ARHGAP42: variants seen among roughly 807,000 people sequenced by gnomAD.
The protein encoded by ARHGAP42 is rho GTPase-activating protein 42.
In ARHGAP42, 63 loss-of-function variants were observed where a neutral mutation model predicts 125.0. The observed-to-expected ratio is 0.50, with a 90% CI of 0.41 to 0.62. The LOEUF (loss-of-function observed/expected upper bound fraction) is 0.62, where lower values mean the gene tolerates loss of function less well. Ranked by LOEUF, ARHGAP42 falls within the 20% of genes least tolerant of loss-of-function variation. ARHGAP42 has a pLI of 0.00. For synonymous variants in ARHGAP42, 339 were observed against 351.0 expected (o/e 0.97, Z 0.38); for missense variants, 766 against 1,024.2 (o/e 0.75, Z 3.44).
intron 17 of ARHGAP42, among the ~76,000 whole-genome samples, chr11:100,970,759 G>A (rs969298344): frequency 6.6e-6 from 1 of 152,138 alleles, no homozygotes; most frequent in Non-Finnish European, 1.5e-5. Context: ...GCTGAGGGAG[G>A]TAGTCCTGAA....
chr11:100,704,708 C>G (rs1450966552), intron 1 of ARHGAP42, among the ~76,000 whole-genome samples: 7 of 151,340 alleles, frequency 4.6e-5, no homozygotes, highest in Non-Finnish European at 8.8e-5. Context: ...CCTGTAATCC[C>G]AGCACTTTGG....
chr11:100,729,716 A>G (rs1861921369), intron 1 of ARHGAP42, among the ~76,000 whole-genome samples: 1 of 152,160 alleles, frequency 6.6e-6, no homozygotes, highest in African/African-American at 2.4e-5. Context: ...AGCAGAGTCT[A>G]CTGAATATAA....
At chr11:100,703,698 T>C (rs1861434181) in intron 1 of ARHGAP42, among the ~76,000 whole-genome samples, 1 of 152,248 alleles carries the variant, frequency 6.6e-6, no homozygotes, top group South Asian at 2.1e-4. Flanking sequence ...ACAGACAGTA[T>C]AGATTTTGAG....
At chr11:100,765,418 C>T (rs1862806536) in intron 1 of ARHGAP42, among the ~76,000 whole-genome samples, 1 of 151,066 alleles carries the variant, frequency 6.6e-6, no homozygotes, top group Non-Finnish European at 1.5e-5. Flanking sequence ...AATTTTGGTT[C>T]TGCTTTTCCT....
At chr11:100,911,602 G>T (rs3847568) in intron 4 of ARHGAP42, among the ~76,000 whole-genome samples, 1 of 152,252 alleles carries the variant, frequency 6.6e-6, no homozygotes, top group East Asian at 1.9e-4. Flanking sequence ...GAGACCTTTA[G>T]AAAGGTATGT....
At chr11:100,804,844 A>T (rs1863953290) in intron 3 of ARHGAP42, among the ~76,000 whole-genome samples, 1 of 152,196 alleles carries the variant, frequency 6.6e-6, no homozygotes, top group Non-Finnish European at 1.5e-5. Flanking sequence ...GTGTGTCGGT[A>T]ACGTCATTTG....
At chr11:100,931,194 G>A (rs1218588919) in intron 6 of ARHGAP42, among the ~76,000 whole-genome samples, 3 of 152,092 alleles carry the variant, frequency 2.0e-5, no homozygotes, top group African/African-American at 2.4e-5. Context: ...TTGTGGTATC[G>A]TGACAGTGCT....
rs1867473915 is a variant in ARHGAP42, at chr11:100,928,004, G to T, written c.598-5152G>T. On this transcript the variant is annotated intron_variant, in intron 6 of 23. Coordinates refer to ENST00000298815, the MANE Select transcript of ARHGAP42 (RefSeq NM_152432.4). ...ATATATGCTTTCGTTTTCATGCCAT[G>T]AACTCCTTTGCACATCTATGCATTA... is the stretch of plus-strand genomic sequence containing the variant. Among the ~76,000 whole-genome samples the T allele has an allele frequency of 2.6e-5, 4 of 152,100 alleles. No homozygotes were observed. The South Asian group carries it at 8.3e-4, about 31-fold the overall frequency.
intron 3 of ARHGAP42, among the ~76,000 whole-genome samples, chr11:100,843,823 C>A (rs973410277): frequency 6.6e-6 from 1 of 152,034 alleles, no homozygotes; most frequent in African/African-American, 2.4e-5. Flanking sequence ...GGAAACACGT[C>A]CCATGCTCAT....
In ARHGAP42 at chr11:100,974,551, A is replaced by G. The variant is rs1346530340; in HGVS notation, c.1803A>G (p.Thr601=). The G allele has an allele frequency of 1.0e-5, 16 of 1,551,132 alleles. No individual in the cohort carries two copies. The highest frequency in any genetic ancestry group is 1.4e-5 in the Non-Finnish European group (16 of 1,146,652). Residue 601 remains threonine (T), a synonymous_variant, in exon 19 of 24, where the codon ACA becomes ACG. Transcript: ENST00000298815. ...GGACACGAGCAATCTGCCTCTCTAC[A>G]GGGTCTAGGAAGCCCAGAGGGAGGT... ...SRRTRAICLS[T]GSRKPRGRYT... is the part of the protein sequence containing the mutation.
chr11:100,801,880 G>A (rs1863861055), intron 3 of ARHGAP42, among the ~76,000 whole-genome samples: 1 of 152,176 alleles, frequency 6.6e-6, no homozygotes. Context: ...AAAGCTCTTT[G>A]TACTGACCTT....
At chr11:100,933,670 A>G (rs1456907772) in intron 7 of ARHGAP42, among the ~76,000 whole-genome samples, 1 of 152,252 alleles carries the variant, frequency 6.6e-6, no homozygotes, top group East Asian at 1.9e-4. Context: ...TAATTTCATA[A>G]TGTATACATG....
At chr11:100,737,484 A>G (rs1862090702) in intron 1 of ARHGAP42, among the ~76,000 whole-genome samples, 2 of 152,204 alleles carry the variant, frequency 1.3e-5, no homozygotes, top group South Asian at 2.1e-4. Context: ...TTCATGTATC[A>G]TATTAATTCT....
chr11:100,975,973 A>G, intron 19 of ARHGAP42, 84 bp from the exon 20 acceptor site: 1 of 1,405,002 alleles, frequency 7.1e-7, no homozygotes, highest in Non-Finnish European at 9.4e-7. Context: ...ACACATGGTA[A>G]GTTGGAGAAC....
intron 1 of ARHGAP42, among the ~76,000 whole-genome samples, chr11:100,755,284 A>G (rs1434831970): frequency 1.3e-5 from 2 of 152,224 alleles, no homozygotes; most frequent in African/African-American, 4.8e-5. Context: ...TTTATTTATC[A>G]TAAAAGTCAT....
chr11:100,709,380 T>G lies in ARHGAP42; in HGVS notation c.154+21548T>G, dbSNP rs764421413. Among the ~76,000 whole-genome samples, 285 of 152,298 alleles carry G rather than the reference T, an allele frequency of 1.9e-3. 2 individuals carry two copies. The highest frequency in any genetic ancestry group is 3.0e-3 in the Non-Finnish European group (207 of 68,024). On this transcript the variant is annotated intron_variant, in intron 1 of 23. Transcript: ENST00000298815. The stretch of plus-strand genomic sequence containing the variant: ...CTTATTGTGATCTGTCAATCTGATA[T>G]CTGAGACAGCTCTTAAGTGACAGAT...
chr11:100,838,788 T>C (rs1405522076), intron 3 of ARHGAP42, among the ~76,000 whole-genome samples: 2 of 152,176 alleles, frequency 1.3e-5, no homozygotes, highest in Non-Finnish European at 2.9e-5. Context: ...CATATAATGC[T>C]TCGTTGAGGA....
At chr11:100,735,819 A>G (rs976161880) in intron 1 of ARHGAP42, among the ~76,000 whole-genome samples, 2 of 151,954 alleles carry the variant, frequency 1.3e-5, no homozygotes, top group Admixed American at 6.6e-5. Flanking sequence ...TGTTGAAACT[A>G]TGGCCAGGCT....
At chr11:100,779,633 T>C (rs1398734710) in intron 2 of ARHGAP42, among the ~76,000 whole-genome samples, 1 of 145,474 alleles carries the variant, frequency 6.9e-6, no homozygotes, top group Admixed American at 7.0e-5. Flanking sequence ...CTATGGTTCT[T>C]TTCAGTATGC....
Sources: gnomAD v4.1 joint callset for allele counts (sites outside exome capture counted in the v4.1 genomes callset) on GRCh38, gnomAD v4.1.1 for gene constraint, MANE v1.5 for transcripts, NCBI Gene and HGNC (gene_info 2026-07-23, HGNC 2026-07-21) for gene names.